LRP1: variants seen among roughly 807,000 people sequenced by gnomAD.
LRP1 encodes the protein LDL receptor related protein 1, also known as prolow-density lipoprotein receptor-related protein 1.
In LRP1, 51 loss-of-function variants were observed where a neutral mutation model predicts 541.5. That is an observed-to-expected ratio of 0.09 (90% CI 0.08 to 0.12). LRP1 has a LOEUF of 0.12. Among genes scored for constraint, LRP1 ranks in the 10% least tolerant of loss-of-function variants. The pLI is 1.00. For missense variants in LRP1, 3,878 were observed against 6,376.2 expected, an observed-to-expected ratio of 0.61 and a Z score of 13.34; for synonymous variants, 2,219 against 2,470.8, an observed-to-expected ratio of 0.90 and a Z score of 3.02.
At position 57,141,648 on chromosome 12, in the gene LRP1, A is replaced by T; in HGVS notation, c.328+137A>T. 2.5e-6 allele frequency: 3 copies of T among 1,180,362 alleles called. No individual in the cohort carries two copies. The South Asian group carries it at 4.5e-5, about 18-fold the overall frequency. 73.1% of individuals were successfully genotyped at this position (1,180,362 alleles called of 1,614,324 possible). A position where few individuals can be genotyped will look rare whatever the true frequency, so the allele number is the denominator to read the frequency against. ...CTGCCTAGATTTACCTTCAGAGAGC[A>T]GATGAAATTGATGTGCCCCTTGGGC... On this transcript the variant is annotated intron_variant, in intron 3 of 88. Transcript: ENST00000243077.
At chr12:57,198,396 G>C in intron 59 of LRP1, 53 bp downstream of exon 59, 1 of 1,605,418 alleles carries the variant, frequency 6.2e-7, no homozygotes, top group South Asian at 1.1e-5. Flanking sequence ...TCCAAGCCCA[G>C]CCTCCCTGCA....
rs146838549 is a variant in LRP1, at chr12:57,131,820, T to C, written c.67+2789T>C. Reference sequence around the variant, plus strand: ...TCCCAAAGGATGACAGCCCAGGTCCTGGCCAGAGTCAGTTCCTGTCCAGAT... The same window carrying C: ...TCCCAAAGGATGACAGCCCAGGTCCCGGCCAGAGTCAGTTCCTGTCCAGAT... On this transcript the variant is annotated intron_variant, in intron 1 of 88. Transcript: ENST00000243077. Among the ~76,000 whole-genome samples the C allele has an allele frequency of 2.6e-4, 40 of 152,278 alleles. 1 individual carries two copies. The East Asian group carries it at 7.7e-3, about 29-fold the overall frequency.
In LRP1 at chr12:57,175,662, G is replaced by C; in HGVS notation, c.3750G>C (p.Glu1250Asp). ...NKFSVKCSCY[E>D]GWVLEPDGES... ...TCAGCGTGAAGTGCTCCTGCTACGA[G>C]GGCTGGGTCCTGGAACCTGACGGCG... The change falls in exon 23 of 89, where the codon GAG (glutamate) becomes GAC (aspartate). Residue 1250 changes from glutamate to aspartate, a missense_variant. Around this residue, in one of 13 missense-constraint regions of LRP1, gnomAD observed 320 missense variants for 547.9 expected, o/e 0.58. Coordinates refer to ENST00000243077, the MANE Select transcript of LRP1 (RefSeq NM_002332.3). The C allele has an allele frequency of 5.0e-6, 8 of 1,594,412 alleles. No homozygotes were observed. Among genetic ancestry groups the C allele is most frequent in the Non-Finnish European group, 6.0e-6 (7 of 1,168,530 alleles).
Position 57,211,970 on chromosome 12 carries a change from G to A in LRP1, c.13302G>A (p.Leu4434=), listed in dbSNP as rs775442597. Reference sequence around the variant, plus strand: ...TCCCTCTGCTGTTGCTGCTGCTGCTGGTTCTGGTGGCCGGAGTGGTATTCT... The same window carrying A: ...TCCCTCTGCTGTTGCTGCTGCTGCTAGTTCTGGTGGCCGGAGTGGTATTCT... ...ILIPLLLLLL[L]VLVAGVVFWY... is the part of the protein sequence containing the mutation. Residue 4434 remains leucine, a synonymous_variant, in exon 87 of 89, where the codon CTG becomes CTA. Transcript: ENST00000243077. This position sits in a 1 kb window ranked among gnomAD's most constrained non-coding sequence, Gnocchi z 4.3. The A allele has an allele frequency of 9.9e-6, 16 of 1,614,038 alleles. No individual in the cohort carries two copies. In the East Asian group the frequency reaches 3.6e-4, roughly 36 times the overall value.
rs1161378642 is a variant in LRP1 at position 57,189,693 on chromosome 12, G to A, written c.7032-1112G>A. On this transcript the variant is annotated intron_variant, in intron 42 of 88. Transcript: ENST00000243077. The surrounding 1 kb of genome is among the most constrained non-coding windows in gnomAD (Gnocchi z 4.4). ...TGTGGCCAGAATGGTGAGGGGCAGA[G>A]GTAGGAGGAGGCCAGAGGCACTGGG... 6.6e-6 allele frequency among the ~76,000 whole-genome samples: 1 copy of A among 152,016 alleles called. No homozygotes were observed. Among genetic ancestry groups the A allele is most frequent in the Admixed American group, 6.6e-5 (1 of 15,260 alleles).
At chr12:57,135,555 G>A (rs576393336) in intron 1 of LRP1, among the ~76,000 whole-genome samples, 14 of 152,274 alleles carry the variant, frequency 9.2e-5, no homozygotes, top group Admixed American at 7.8e-4. Context: ...CAGCCTTCTC[G>A]CTCCAGATTC....
At position 57,205,249 on chromosome 12, in the gene LRP1, G is replaced by A. The variant is rs755974434; in HGVS notation, c.11335G>A (p.Asp3779Asn). ...CTCTGACGAGGAGGACTGCAGCATC[G>A]GTGAGGCCCGGCAGCGGACCGGACG... The part of the protein sequence containing the change: ...DGSDEEDCSI[D>N]PKLTSCATNA... The change falls in exon 73 of 89, where the codon GAC (aspartate) becomes AAC (asparagine). Residue 3779 changes from aspartate (D) to asparagine (N), a missense_variant and splice_region_variant. By Grantham distance (23) the Asp-to-Asn change is conservative. This residue lies in a region of LRP1 where 871 missense variants were observed against 1,212.4 expected (regional missense o/e 0.72). Transcript: ENST00000243077. The surrounding 1 kb of genome is among the most constrained non-coding windows in gnomAD (Gnocchi z 4.6). 52 of 1,608,948 alleles carry A rather than the reference G, an allele frequency of 3.2e-5. No homozygotes were observed. Among genetic ancestry groups the A allele is most frequent in the Non-Finnish European group, 4.1e-5 (48 of 1,176,634 alleles).
chr12:57,162,961 C>T lies in LRP1; in HGVS notation c.2508C>T (p.Asp836=), dbSNP rs34065075. ...CCTGTGCTGAGGACCAGGTGTTGGA[C>T]GCAGACGGCGTCACTTGCTTGGGTA... ...QCACAEDQVL[D]ADGVTCLANP... is the part of the protein sequence containing the mutation. The change falls in exon 15 of 89, where the codon GAC becomes GAT. Residue 836 remains aspartate (D), a synonymous_variant. Transcript: ENST00000243077. This position sits in a 1 kb window ranked among gnomAD's most constrained non-coding sequence, Gnocchi z 5.2. The T allele has an allele frequency of 2.9e-5, 46 of 1,604,920 alleles. No homozygotes were observed. The African/African-American group carries it at 3.3e-4, about 12-fold the overall frequency.
chr12:57,150,704 C>T (rs2035510245), intron 6 of LRP1, among the ~76,000 whole-genome samples: 1 of 152,126 alleles, frequency 6.6e-6, no homozygotes, highest in South Asian at 2.1e-4. Flanking sequence ...AACCGCAGCC[C>T]CCATGTGGGG....
At chr12:57,135,182 T>A (rs747324228) in intron 1 of LRP1, among the ~76,000 whole-genome samples, 3 of 152,204 alleles carry the variant, frequency 2.0e-5, no homozygotes, top group African/African-American at 4.8e-5. Context: ...AATCAGTGGC[T>A]GGTGGTTAGC....
chr12:57,200,826 G>GGGGGGGCCC lies in LRP1; in HGVS notation c.10225+11_10225+12insGGGGGGCCC. On this transcript the variant is annotated intron_variant, in intron 64 of 88. Transcript: ENST00000243077. ...ACGAGGCCAACTGTGGTAAGGCGCT[G>GGGGGGGCCC]CCCGCCCACCCTCCCTCCTTCCCCA... The GGGGGGGCCC allele has an allele frequency of 4.4e-6, 7 of 1,581,242 alleles. No individual in the cohort carries two copies. Among genetic ancestry groups the GGGGGGGCCC allele is most frequent in the East Asian group, 2.2e-5 (1 of 44,478 alleles).
At chr12:57,170,227 A>G (rs1320546432) in intron 20 of LRP1, among the ~76,000 whole-genome samples, 2 of 152,246 alleles carry the variant, frequency 1.3e-5, no homozygotes, top group African/African-American at 4.8e-5. Flanking sequence ...ATATTGGATT[A>G]GGATACACCC....
chr12:57,166,789 G>A (rs2136688266), intron 17 of LRP1, 141 bp from the exon 18 acceptor site: 2 of 645,550 alleles, frequency 3.1e-6, no homozygotes, highest in African/African-American at 3.6e-5. Context: ...TGAGACCAGA[G>A]AGATGGTTTT....
At chr12:57,200,884 A>T in intron 64 of LRP1, 69 bp downstream of exon 64, 1 of 1,349,250 alleles carries the variant, frequency 7.4e-7, no homozygotes, top group Non-Finnish European at 9.8e-7. Flanking sequence ...TGGGGCTTTC[A>T]AGTGCAGGGA....
intron 47 of LRP1, 24 bp downstream of exon 47, chr12:57,193,709 C>T: frequency 6.2e-7 from 1 of 1,614,064 alleles, no homozygotes; most frequent in Non-Finnish European, 8.5e-7. Flanking sequence ...ACTGGCATAA[C>T]CCATCTGTAC....
chr12:57,154,901 T>A lies in LRP1; in HGVS notation c.1227+200T>A. On this transcript the variant is annotated intron_variant, in intron 8 of 88. Transcript: ENST00000243077. This position sits in a 1 kb window ranked among gnomAD's most constrained non-coding sequence, Gnocchi z 4.6. ...ACGGGTTCCACTGTGATGGGAACAG[T>A]CATTTTAGAAACACCACTTCTGTTT... 1.6e-6 allele frequency: 1 copy of A among 614,734 alleles called. No homozygotes were observed. The highest frequency in any genetic ancestry group is 1.8e-5 in the African/African-American group (1 of 54,368). The allele number at this position is 614,734 out of a possible 1,614,324, so 38.1% of individuals were successfully genotyped here.
chr12:57,211,158 C>G lies in LRP1; in HGVS notation c.12917-18C>G, dbSNP rs1349515533. On this transcript the variant is annotated intron_variant, in intron 83 of 88. Coordinates refer to ENST00000243077, the MANE Select transcript of LRP1 (RefSeq NM_002332.3). The surrounding 1 kb of genome is among the most constrained non-coding windows in gnomAD (Gnocchi z 4.3). ...TGAGGGTGGGGCTTGAGGCACTTCT[C>G]TCCCTCCCCAACCACAGGGCAGTGC... is the stretch of plus-strand genomic sequence containing the variant. 2 of 1,612,092 alleles carry G rather than the reference C, an allele frequency of 1.2e-6. No individual in the cohort carries two copies. Among genetic ancestry groups the G allele is most frequent in the East Asian group, 2.2e-5 (1 of 44,820 alleles).
At chr12:57,191,541 C>T in intron 44 of LRP1, 29 bp downstream of exon 44, 1 of 1,559,706 alleles carries the variant, frequency 6.4e-7, no homozygotes, top group Non-Finnish European at 8.7e-7. Context: ...AGCTGCCTCA[C>T]CCTCCTGCCT....
At chr12:57,200,929 G>T in intron 64 of LRP1, 105 bp from the exon 65 acceptor site, 1 of 1,589,438 alleles carries the variant, frequency 6.3e-7, no homozygotes, top group Non-Finnish European at 8.6e-7. Context: ...CTCCAGGCTG[G>T]ATTCCTATGG....
Sources: gnomAD v4.1 joint callset for allele counts (sites outside exome capture counted in the v4.1 genomes callset) on GRCh38, gnomAD v4.1.1 for gene constraint, gnomAD v4.1.1 regional missense constraint, Gnocchi (gnomAD v3.1) non-coding constraint, MANE v1.5 for transcripts, NCBI Gene and HGNC (gene_info 2026-07-23, HGNC 2026-07-21) for gene names.